The following ZNF343 variants were observed in gnomAD, a reference collection of about 807,000 sequenced individuals.
The protein encoded by ZNF343 is zinc finger protein 343.
In ZNF343, 11 loss-of-function variants were observed where a neutral mutation model predicts 13.8. The ratio of observed to expected loss-of-function variants is 0.80; its 90% CI spans 0.50 to 1.32. ZNF343 has a LOEUF of 1.32. ZNF343 is among the 40% of genes most tolerant of loss of function. ZNF343 has a pLI of 0.00. For synonymous variants in ZNF343, 248 were observed against 260.0 expected, an observed-to-expected ratio of 0.95 and a Z score of 0.44; for missense variants, 658 against 714.2, an observed-to-expected ratio of 0.92 and a Z score of 0.90.
chr20:2,514,986 G>C (rs1197637376), intron 1 of ZNF343, among the ~76,000 whole-genome samples: 1 of 144,408 alleles, frequency 6.9e-6, no homozygotes, highest in Non-Finnish European at 1.5e-5. Context: ...CTGGGTGACA[G>C]AGCGAGACAT....
Position 2,484,311 on chromosome 20 carries a change from G to C in ZNF343, c.650C>G (p.Ser217Ter). ...CTGCACAGGGTTTGGTCTTTGGGCT[G>C]AGCTGGGCTCTGTTTCTACCACCAT... Reference protein sequence around the residue: ...GNMVVETEPSSAQRPNPVQLD... With the variant: ...GNMVVETEPS Residue 217 changes from serine (S) to a stop codon, truncating the protein, a stop_gained, in exon 6 of 6, where the codon TCA becomes TGA. Transcript: ENST00000278772. LOFTEE classifies it low-confidence loss of function (END_TRUNC). The C allele has an allele frequency of 6.2e-7, 1 of 1,614,064 alleles. No individual in the cohort carries two copies. Among genetic ancestry groups the C allele is most frequent in the East Asian group, 2.2e-5 (1 of 44,896 alleles).
chr20:2,503,775 CAACAT>C (rs1410346596), intron 1 of ZNF343, among the ~76,000 whole-genome samples: 7 of 152,022 alleles, frequency 4.6e-5, no homozygotes, highest in African/African-American at 1.5e-4. Context: ...AACAAAGACA[CAACAT>C]AACAGAATCT....
chr20:2,509,568 C>G (rs946986077), upstream of ZNF343, among the ~76,000 whole-genome samples: 1 of 152,190 alleles, frequency 6.6e-6, no homozygotes, highest in Non-Finnish European at 1.5e-5. Context: ...GATCCCGGTT[C>G]AGATCTGGGC....
rs1227628714 is a variant in ZNF343 at position 2,483,857 on chromosome 20, G to A, written c.1104C>T (p.Phe368=). 8 of 1,614,002 alleles carry A rather than the reference G, an allele frequency of 5.0e-6. No individual in the cohort carries two copies. The highest frequency in any genetic ancestry group is 1.3e-5 in the African/African-American group (1 of 74,924). Residue 368 remains phenylalanine, a synonymous_variant, in exon 6 of 6, where the codon TTC becomes TTT. Coordinates refer to ENST00000278772, the MANE Select transcript of ZNF343 (RefSeq NM_024325.6). The stretch of plus-strand genomic sequence containing the variant: ...CGGAGTGTGTCCTCTGGTGTCTGAT[G>A]AAGGATGACTTCTCGCTAAAGCCTC... ...CGRGFSEKSS[F]IRHQRTHSGE...
In ZNF343 at chr20:2,518,847, G is replaced by C. The variant is rs1378721891; in HGVS notation, c.-347+5608C>G. Among the ~76,000 whole-genome samples, 1 of 152,166 alleles carries C rather than the reference G, an allele frequency of 6.6e-6. No individual in the cohort carries two copies. The highest frequency in any genetic ancestry group is 1.5e-5 in the Non-Finnish European group (1 of 68,034). ...TTGTAATCCCCACATGTCAGGGGAG[G>C]GACCTGGTGGAAGGCGATTGGCTCA... is the stretch of plus-strand genomic sequence containing the variant. On this transcript the variant is annotated intron_variant, in intron 1 of 6. Coordinates refer to the ZNF343 transcript ENST00000358413. This position sits in a 1 kb window ranked among gnomAD's most constrained non-coding sequence, Gnocchi z 4.6.
intron 1 of ZNF343, among the ~76,000 whole-genome samples, chr20:2,522,204 TGA>T: frequency 1.3e-5 from 2 of 152,224 alleles, no homozygotes; most frequent in Non-Finnish European, 2.9e-5. Flanking sequence ...TGCTTAGTAC[TGA>T]CTACATGGAG....
upstream of ZNF343, among the ~76,000 whole-genome samples, chr20:2,512,750 T>G (rs1443371251): frequency 1.3e-5 from 2 of 151,856 alleles, no homozygotes; most frequent in African/African-American, 4.8e-5. Flanking sequence ...ATCTGAAAAA[T>G]TGTTTCTTAG....
rs767973497 is a variant in ZNF343 at position 2,493,504 on chromosome 20, G to A, written c.177+15C>T. ...CAGCACTTCAGGAAAAAAAAAAAAT[G>A]TAACCCCAACTCACCACTATTTGGG... On this transcript the variant is annotated intron_variant, in intron 4 of 5. Transcript: ENST00000278772. 3 of 1,604,086 alleles carry A rather than the reference G, an allele frequency of 1.9e-6. No homozygotes were observed. The highest frequency in any genetic ancestry group is 1.3e-5 in the African/African-American group (1 of 74,590).
chr20:2,495,096 C>T (rs2085435810), intron 2 of ZNF343, among the ~76,000 whole-genome samples: 1 of 152,200 alleles, frequency 6.6e-6, no homozygotes, highest in South Asian at 2.1e-4. Context: ...GCCTAGTACC[C>T]TTCTGAGACT....
chr20:2,504,147 G>A (rs2085616182), intron 1 of ZNF343, among the ~76,000 whole-genome samples: 1 of 152,192 alleles, frequency 6.6e-6, no homozygotes, highest in African/African-American at 2.4e-5. Flanking sequence ...TGATCCCATA[G>A]AAATACAAAC....
In ZNF343 at chr20:2,518,203, G is replaced by A. The variant is rs1397618251; in HGVS notation, c.-347+6252C>T. On this transcript the variant is annotated intron_variant, in intron 1 of 6. Transcript: ENST00000358413. The surrounding 1 kb of genome is among the most constrained non-coding windows in gnomAD (Gnocchi z 4.6). ...TACCTTTTTGTATTTTTTTAGTAGAGACGTAGTTTCGCCATGTTGACCAGG... is the reference window on the plus strand; with the variant it reads ...TACCTTTTTGTATTTTTTTAGTAGAAACGTAGTTTCGCCATGTTGACCAGG... Among the ~76,000 whole-genome samples, 1 of 151,964 alleles carries A rather than the reference G, an allele frequency of 6.6e-6. No individual in the cohort carries two copies. The highest frequency in any genetic ancestry group is 1.9e-4 in the East Asian group (1 of 5,164).
At position 2,484,592 on chromosome 20, in the gene ZNF343, G is replaced by T; in HGVS notation, c.369C>A (p.Phe123Leu). 1 of 1,613,850 alleles carries T rather than the reference G, an allele frequency of 6.2e-7. No individual in the cohort carries two copies. Among genetic ancestry groups the T allele is most frequent in the Non-Finnish European group, 8.5e-7 (1 of 1,179,874 alleles). ...AGATCTGAAGTACATGTTGACTGAG[G>T]AACTGCTGACAGGAGAAGGCCAGAA... ...SCLLAFSCQQFLSQHVLQIFL... is the reference protein window; with the variant it reads ...SCLLAFSCQQLLSQHVLQIFL... The change falls in exon 6 of 6, where the codon TTC becomes TTA. Residue 123 changes from phenylalanine (F) to leucine (L), a missense_variant. By Grantham distance (22) the Phe-to-Leu change is conservative (BLOSUM62 0). Coordinates refer to ENST00000278772, the MANE Select transcript of ZNF343 (RefSeq NM_024325.6).
In ZNF343 at chr20:2,483,485, A is replaced by C. The variant is rs1327963854; in HGVS notation, c.1476T>G (p.His492Gln). The C allele has an allele frequency of 3.1e-6, 5 of 1,609,944 alleles. No homozygotes were observed. The highest frequency in any genetic ancestry group is 4.2e-6 in the Non-Finnish European group (5 of 1,178,982). ...CTCGCCTACACTCCCTGCAGACATA[A>C]TGCTTCTCCCCTGAGTGTGTCCTCT... ...VHQRTHSGEK[H>Q]YVCRECRRGF... The change falls in exon 6 of 6, where the codon CAT (histidine) becomes CAG (glutamine). Residue 492 changes from histidine to glutamine, a missense_variant. By Grantham distance (24) the His-to-Gln change is conservative. Transcript: ENST00000278772.
chr20:2,509,454 C>G (rs998058023), upstream of ZNF343, among the ~76,000 whole-genome samples: 2 of 152,186 alleles, frequency 1.3e-5, no homozygotes, highest in Admixed American at 6.5e-5. Context: ...CTGTAGTCAC[C>G]TTTCTTGTCG....
rs1224293000 is a variant in ZNF343, at chr20:2,508,501, G to A, written c.-237+380C>T. ...CAGCCGCGGGGATGTTGGTCCATTT[G>A]GCCCTGGCAGAACTCAACCCCACAG... On this transcript the variant is annotated intron_variant, in intron 1 of 5. Transcript: ENST00000278772. This position sits in a 1 kb window ranked among gnomAD's most constrained non-coding sequence, Gnocchi z 4.5. Among the ~76,000 whole-genome samples the A allele has an allele frequency of 1.3e-5, 2 of 152,132 alleles. No individual in the cohort carries two copies. The highest frequency in any genetic ancestry group is 6.5e-5 in the Admixed American group (1 of 15,284).
At chr20:2,492,649 C>T in intron 5 of ZNF343, 50 bp downstream of exon 5, 1 of 1,588,400 alleles carries the variant, frequency 6.3e-7, no homozygotes, top group Non-Finnish European at 8.5e-7. Context: ...ATTAGGTGAT[C>T]AGTAAATCTC....
At chr20:2,507,156 C>T (rs1342304243) in intron 1 of ZNF343, among the ~76,000 whole-genome samples, 4 of 150,498 alleles carry the variant, frequency 2.7e-5, no homozygotes, top group East Asian at 2.0e-4. Context: ...CCCAGCTACT[C>T]GGGATGCTGA....
chr20:2,495,535 T>A (rs1306198778), intron 2 of ZNF343: 1 of 152,198 alleles, frequency 6.6e-6, no homozygotes, highest in Middle Eastern at 3.2e-3. Context: ...CTGTAAAAAG[T>A]CATGGTACAA....
chr20:2,497,877 C>CGGCTCCTTCATAT (rs1021391956), intron 2 of ZNF343, among the ~76,000 whole-genome samples: 6 of 152,080 alleles, frequency 3.9e-5, no homozygotes, highest in Non-Finnish European at 7.4e-5. Flanking sequence ...CCACCCGCCC[C>CGGCTCCTTCATAT]GGCTCCTTCA....
Sources: gnomAD v4.1 joint callset for allele counts (sites outside exome capture counted in the v4.1 genomes callset) on GRCh38, gnomAD v4.1.1 for gene constraint, Gnocchi (gnomAD v3.1) non-coding constraint, MANE v1.5 for transcripts, NCBI Gene and HGNC (gene_info 2026-07-23, HGNC 2026-07-21) for gene names.